The following ZNF430 variants were observed in gnomAD, a reference collection of about 807,000 sequenced individuals.
ZNF430 encodes zinc finger protein 430.
Under a neutral mutation model 56.7 loss-of-function variants are expected in ZNF430, and 35 were observed. The observed-to-expected ratio is 0.62, with a 90% CI of 0.47 to 0.82. The LOEUF (loss-of-function observed/expected upper bound fraction) is 0.82. Ranked by LOEUF, ZNF430 falls within the 40% of genes least tolerant of loss-of-function variation. The pLI is 0.00. For missense variants in ZNF430, 574 were observed against 661.0 expected (o/e 0.87, Z 1.44); for synonymous variants, 212 against 224.3 (o/e 0.94, Z 0.49).
intron 3 of ZNF430, 87 bp downstream of exon 3, chr19:21,033,669 T>A: frequency 7.2e-7 from 1 of 1,380,502 alleles, no homozygotes; most frequent in Non-Finnish European, 9.8e-7. Flanking sequence ...TAATTTATGC[T>A]TTGCATAAAT....
At chr19:21,031,321 C>A (rs1967897992) in intron 2 of ZNF430, among the ~76,000 whole-genome samples, 1 of 152,022 alleles carries the variant, frequency 6.6e-6, no homozygotes, top group Non-Finnish European at 1.5e-5. Flanking sequence ...AAGGTGAGGC[C>A]AGAATCAAGT....
intron 1 of ZNF430, among the ~76,000 whole-genome samples, chr19:21,022,057 C>A (rs142454435): frequency 1.3e-5 from 2 of 151,982 alleles, no homozygotes; most frequent in Non-Finnish European, 2.9e-5. Context: ...TGGCTGGCCT[C>A]GAACTCTTGA....
At chr19:21,049,862 T>C (rs1968253855) in intron 4 of ZNF430, among the ~76,000 whole-genome samples, 5 of 152,146 alleles carry the variant, frequency 3.3e-5, no homozygotes. Flanking sequence ...CATCAAAATT[T>C]GGGAAGTTCT....
At chr19:21,038,800 T>A (rs1297359684) in intron 4 of ZNF430, among the ~76,000 whole-genome samples, 1 of 152,222 alleles carries the variant, frequency 6.6e-6, no homozygotes, top group Non-Finnish European at 1.5e-5. Flanking sequence ...TAGTTCATAA[T>A]GAAATTTAAA....
rs1464891745 is a variant in ZNF430 at position 21,057,679 on chromosome 19, C to A, written c.1371C>A (p.Tyr457Ter). The change falls in exon 5 of 5, where the codon TAC becomes TAA. Residue 457 changes from tyrosine (Y) to a stop codon, truncating the protein, a stop_gained. Transcript: ENST00000261560. LOFTEE classifies it high-confidence loss of function. ...HKIIHTGEKP[Y>*]KCEECGKAFN... is the part of the protein sequence containing the mutation. ...TAATTCATACTGGAGAGAAACCCTA[C>A]AAATGTGAAGAATGTGGCAAAGCCT... The A allele has an allele frequency of 6.2e-7, 1 of 1,611,280 alleles. No individual in the cohort carries two copies. Among genetic ancestry groups the A allele is most frequent in the Admixed American group, 1.7e-5 (1 of 59,600 alleles).
chr19:21,047,879 C>T (rs1968207481), intron 4 of ZNF430, among the ~76,000 whole-genome samples: 1 of 152,206 alleles, frequency 6.6e-6, no homozygotes, highest in African/African-American at 2.4e-5. Context: ...AGTGGCTGTG[C>T]TGCACTGAGG....
intron 4 of ZNF430, among the ~76,000 whole-genome samples, chr19:21,039,043 G>A (rs1040572990): frequency 2.6e-5 from 4 of 151,872 alleles, no homozygotes; most frequent in Admixed American, 6.6e-5. Context: ...TCCGCCTCCC[G>A]GGTTCAAGGA....
Position 21,020,694 on chromosome 19 carries a change from A to C in ZNF430, c.-107A>C. 6.6e-7 allele frequency: 1 copy of C among 1,523,432 alleles called. No homozygotes were observed. Among genetic ancestry groups the C allele is most frequent in the Non-Finnish European group, 9.1e-7 (1 of 1,102,622 alleles). 94.4% of individuals were successfully genotyped at this position (1,523,432 alleles called of 1,614,324 possible). A position where few individuals can be genotyped will look rare whatever the true frequency, so the allele number is the denominator to read the frequency against. ...GGCCTGAGCTCCAGGTCTCGTCTTC[A>C]GCGCTCTGTGTCCTCTGCTCCTAGA... On this transcript the variant is annotated 5_prime_UTR_variant, in exon 1 of 5. Transcript: ENST00000261560.
At chr19:21,028,546 C>A (rs1402684147) in intron 2 of ZNF430, among the ~76,000 whole-genome samples, 1 of 152,138 alleles carries the variant, frequency 6.6e-6, no homozygotes, top group Non-Finnish European at 1.5e-5. Flanking sequence ...CACTAAGAAC[C>A]CTCTCACAAT....
At chr19:21,056,063 T>C (rs555875293) in intron 4 of ZNF430, among the ~76,000 whole-genome samples, 22 of 152,228 alleles carry the variant, frequency 1.4e-4, no homozygotes, top group Non-Finnish European at 3.1e-4. Flanking sequence ...CTTTTCTTTT[T>C]CTTCTGTGTC....
intron 4 of ZNF430, among the ~76,000 whole-genome samples, chr19:21,050,528 G>T (rs1968266232): frequency 6.6e-6 from 1 of 152,028 alleles, no homozygotes; most frequent in Non-Finnish European, 1.5e-5. Flanking sequence ...GGTTTGTTGT[G>T]AGTGGTTGTT....
intron 2 of ZNF430, among the ~76,000 whole-genome samples, chr19:21,024,617 A>C (rs1469174916): frequency 6.6e-6 from 1 of 151,984 alleles, no homozygotes; most frequent in African/African-American, 2.4e-5. Flanking sequence ...GTCTCTACTA[A>C]AAATACAAAA....
intron 2 of ZNF430, among the ~76,000 whole-genome samples, chr19:21,027,133 C>T (rs1030283709): frequency 2.6e-5 from 4 of 151,948 alleles, no homozygotes; most frequent in African/African-American, 9.7e-5. Flanking sequence ...CGGCAGATGC[C>T]TTTTATTTTC....
intron 1 of ZNF430, among the ~76,000 whole-genome samples, 167 bp downstream of exon 1, chr19:21,020,970 C>T (rs916447123): frequency 6.6e-6 from 1 of 152,192 alleles, no homozygotes; most frequent in African/African-American, 2.4e-5. Context: ...ATGGCGGCTG[C>T]GCTGACAGGC....
At chr19:21,047,945 T>A (rs985601863) in intron 4 of ZNF430, among the ~76,000 whole-genome samples, 7 of 152,198 alleles carry the variant, frequency 4.6e-5, no homozygotes, top group African/African-American at 1.7e-4. Context: ...GGGGAAAGAC[T>A]AAGTCTGCTG....
chr19:21,052,491 A>G (rs1429003995), intron 4 of ZNF430, among the ~76,000 whole-genome samples: 1 of 151,988 alleles, frequency 6.6e-6, no homozygotes, highest in Non-Finnish European at 1.5e-5. Flanking sequence ...ATGTTTGGAG[A>G]CTTAATGTAA....
intron 2 of ZNF430, 79 bp downstream of exon 2, chr19:21,022,960 C>T: frequency 2.9e-6 from 3 of 1,036,684 alleles, no homozygotes; most frequent in African/African-American, 1.6e-5. Context: ...GTCAACCAAT[C>T]AGACTGTGGC....
chr19:21,021,822 GATTTTTTTTTTTT>G (rs1200389830), intron 1 of ZNF430, among the ~76,000 whole-genome samples: 49 of 107,108 alleles, frequency 4.6e-4, no homozygotes, highest in Middle Eastern at 5.0e-3. Flanking sequence ...GCCTGAGTTA[GATTTTTTTTTTTT>G]TTTTTTTTTT....
At chr19:21,055,471 C>T (rs967693082) in intron 4 of ZNF430, among the ~76,000 whole-genome samples, 1 of 150,602 alleles carries the variant, frequency 6.6e-6, no homozygotes, top group Non-Finnish European at 1.5e-5. Context: ...TTTTGTCAGA[C>T]GGGGTCTTGC....
Sources: allele counts gnomAD v4.1 joint callset (sites outside exome capture counted in the v4.1 genomes callset), GRCh38; gene constraint gnomAD v4.1.1; transcripts MANE v1.5; gene names NCBI Gene and HGNC (gene_info 2026-07-23, HGNC 2026-07-21).